The following PTPRD variants were observed in gnomAD, a reference collection of about 807,000 sequenced individuals.
The protein encoded by PTPRD is protein tyrosine phosphatase receptor type D.
PTPRD carries 34 observed loss-of-function variants against 214.5 expected under a neutral mutation model. That is an observed-to-expected ratio of 0.16 (90% CI 0.12 to 0.21). The LOEUF is 0.21. Among genes scored for constraint, PTPRD ranks in the 10% least tolerant of loss-of-function variants. The pLI, the probability that PTPRD is intolerant of heterozygous loss-of-function variation, is 1.00. For missense variants in PTPRD, 2,545 were observed against 2,398.7 expected (o/e 1.06, Z -1.27); for synonymous variants, 1,128 against 845.7 (o/e 1.33, Z -5.79).
At chr9:9,352,253 G>T (rs902829854) in intron 9 of PTPRD, among the ~76,000 whole-genome samples, 2 of 150,826 alleles carry the variant, frequency 1.3e-5, no homozygotes, top group African/African-American at 2.4e-5. Flanking sequence ...GTCCAGCTTT[G>T]TATTGCTGGA....
chr9:9,554,589 A>T (rs2081075479), intron 8 of PTPRD, among the ~76,000 whole-genome samples: 1 of 152,000 alleles, frequency 6.6e-6, no homozygotes, highest in African/African-American at 2.4e-5. Context: ...CTCCTCTGGC[A>T]CCTGAAGATA....
At chr9:8,742,437 A>G (rs1237193321) in intron 11 of PTPRD, among the ~76,000 whole-genome samples, 1 of 152,194 alleles carries the variant, frequency 6.6e-6, no homozygotes, top group African/African-American at 2.4e-5. Context: ...TTCTACATCA[A>G]TATAACTGAT....
At chr9:9,449,415 TATA>T (rs2091476420) in intron 8 of PTPRD, among the ~76,000 whole-genome samples, 1 of 40,070 alleles carries the variant, frequency 2.5e-5, no homozygotes, top group Non-Finnish European at 5.4e-5. Flanking sequence ...TTGCTATATA[TATA>T]TTTTTAAGCT....
At chr9:8,499,619 A>G in intron 25 of PTPRD, 28 bp downstream of exon 25, 1 of 1,589,940 alleles carries the variant, frequency 6.3e-7, no homozygotes, top group Non-Finnish European at 8.5e-7. Flanking sequence ...TTATATAAAA[A>G]CAGAGGTACA....
At chr9:8,988,253 A>G (rs906503118) in intron 11 of PTPRD, among the ~76,000 whole-genome samples, 18 of 152,130 alleles carry the variant, frequency 1.2e-4, no homozygotes, top group Admixed American at 2.0e-4. Context: ...ACCCAATTTC[A>G]GGTCATTTAA....
chr9:9,506,437 C>A (rs946577204), intron 8 of PTPRD, among the ~76,000 whole-genome samples: 1 of 151,286 alleles, frequency 6.6e-6, no homozygotes, highest in Non-Finnish European at 1.5e-5. Flanking sequence ...GAGATGGGTC[C>A]AATCAATCTT....
Position 10,172,002 on chromosome 9 carries a change from A to G in PTPRD, c.-544-138212T>C, listed in dbSNP as rs1332580048. ...TCAAGGAGCCAAATGATACCATTCC[A>G]GCCTCATAAGAATTTATTTCAAGTT... On this transcript the variant is annotated intron_variant, in intron 3 of 45. Transcript: ENST00000381196. 5.9e-5 allele frequency among the ~76,000 whole-genome samples: 9 copies of G among 152,312 alleles called. No individual in the cohort carries two copies. In the South Asian group the frequency reaches 1.5e-3, roughly 25 times the overall value.
chr9:9,136,244 T>G (rs941594436), intron 10 of PTPRD, among the ~76,000 whole-genome samples: 4 of 152,064 alleles, frequency 2.6e-5, no homozygotes, highest in African/African-American at 9.7e-5. Context: ...TCATTCCAAC[T>G]TGATTTTTAA....
chr9:9,992,372 C>T (rs1037471567), intron 4 of PTPRD, among the ~76,000 whole-genome samples: 2 of 152,126 alleles, frequency 1.3e-5, no homozygotes, highest in African/African-American at 4.8e-5. Flanking sequence ...CTAGTTCAAC[C>T]ATTGTGGAAG....
At chr9:9,473,117 C>T (rs1214686113) in intron 8 of PTPRD, among the ~76,000 whole-genome samples, 2 of 152,036 alleles carry the variant, frequency 1.3e-5, no homozygotes, top group African/African-American at 4.8e-5. Context: ...TCCTTATCTT[C>T]CCCTCTCCCT....
intron 3 of PTPRD, among the ~76,000 whole-genome samples, chr9:10,331,258 T>C (rs112845947): frequency 0.015 from 2,213 of 150,656 alleles, 32 homozygotes; most frequent in Non-Finnish European, 0.019. Context: ...CAGCATGGTT[T>C]GGAGCAGCAA....
chr9:10,530,591 A>C (rs2055940384), intron 2 of PTPRD, among the ~76,000 whole-genome samples: 1 of 152,126 alleles, frequency 6.6e-6, no homozygotes, highest in East Asian at 1.9e-4. Context: ...ATGAGCCTGC[A>C]ATAGTGAGCT....
At chr9:8,735,313 T>G (rs111366343) in intron 11 of PTPRD, among the ~76,000 whole-genome samples, 6,029 of 151,672 alleles carry the variant, frequency 0.04, 369 homozygotes, top group African/African-American at 0.14. Flanking sequence ...CTGGGTAATT[T>G]TTGTACTTTT....
intron 2 of PTPRD, among the ~76,000 whole-genome samples, chr9:10,548,180 G>C (rs970829132): frequency 1.3e-5 from 2 of 152,044 alleles, no homozygotes; most frequent in Non-Finnish European, 2.9e-5. Flanking sequence ...CAAAAGTCTG[G>C]GAAGTGACAG....
At chr9:9,391,265 C>T (rs1036330654) in intron 9 of PTPRD, among the ~76,000 whole-genome samples, 3 of 151,888 alleles carry the variant, frequency 2.0e-5, no homozygotes, top group Admixed American at 1.3e-4. Flanking sequence ...AGCCAGTTTT[C>T]AAAACTAGAG....
intron 4 of PTPRD, among the ~76,000 whole-genome samples, chr9:9,992,590 C>T (rs937716522): frequency 6.6e-6 from 1 of 152,164 alleles, no homozygotes; most frequent in Admixed American, 6.5e-5. Context: ...GAAAATGTGG[C>T]ACATATACAC....
chr9:9,265,528 G>C (rs1938989119), intron 9 of PTPRD, among the ~76,000 whole-genome samples: 1 of 151,396 alleles, frequency 6.6e-6, no homozygotes, highest in African/African-American at 2.4e-5. Flanking sequence ...CAAAGCACTA[G>C]TATTAAACAC....
At chr9:9,151,101 A>G (rs1370312613) in intron 10 of PTPRD, among the ~76,000 whole-genome samples, 1 of 152,228 alleles carries the variant, frequency 6.6e-6, no homozygotes. Context: ...ATTTAGGGGT[A>G]GGAATGGCTC....
chr9:10,265,790 G>T lies in PTPRD; in HGVS notation c.-545+75173C>A, dbSNP rs192396261. 2.2e-3 allele frequency among the ~76,000 whole-genome samples: 340 copies of T among 152,306 alleles called. 2 individuals carry two copies. The highest frequency in any genetic ancestry group is 7.9e-3 in the African/African-American group (328 of 41,562). ...TGTTTTAAGCCAGTAAGGTCTGGGA[G>T]TGTTTGTTATATATCAAAACCTAAC... On this transcript the variant is annotated intron_variant, in intron 3 of 45. Transcript: ENST00000381196.
Sources: allele counts gnomAD v4.1 joint callset (sites outside exome capture counted in the v4.1 genomes callset), GRCh38; gene constraint gnomAD v4.1.1; transcripts MANE v1.5; gene names NCBI Gene and HGNC (gene_info 2026-07-23, HGNC 2026-07-21).